STPG2: variants seen among roughly 807,000 people sequenced by gnomAD.
STPG2 encodes sperm-tail PG-rich repeat-containing protein 2.
In STPG2, 56 loss-of-function variants were observed where a neutral mutation model predicts 54.2. That is an observed-to-expected ratio of 1.03 (90% CI 0.83 to 1.29). STPG2 has a LOEUF of 1.29. Ranked by LOEUF, STPG2 falls within the 50% of genes most tolerant of loss-of-function variation. STPG2 has a pLI of 0.00. For missense variants in STPG2, 596 were observed against 544.9 expected, an observed-to-expected ratio of 1.09 and a Z score of -0.93; for synonymous variants, 200 against 181.8, an observed-to-expected ratio of 1.10 and a Z score of -0.81.
At chr4:97,717,461 T>C in intron 9 of STPG2, among the ~76,000 whole-genome samples, 1 of 152,200 alleles carries the variant, frequency 6.6e-6, no homozygotes, top group African/African-American at 2.4e-5. Flanking sequence ...TTAAAACATG[T>C]GTTCCTAGCA....
intron 8 of STPG2, among the ~76,000 whole-genome samples, chr4:97,913,250 A>C (rs1731749012): frequency 6.6e-6 from 1 of 152,180 alleles, no homozygotes; most frequent in Non-Finnish European, 1.5e-5. Flanking sequence ...TATTAACTTT[A>C]AGAACAAGCT....
At chr4:97,723,926 ATTACAAT>A (rs1256757769) in intron 9 of STPG2, among the ~76,000 whole-genome samples, 1 of 152,200 alleles carries the variant, frequency 6.6e-6, no homozygotes, top group Admixed American at 6.5e-5. Flanking sequence ...ACACGTGGTG[ATTACAAT>A]TTGAGATGAG....
At chr4:98,129,696 A>G (rs1739930227) in intron 2 of STPG2, among the ~76,000 whole-genome samples, 1 of 152,192 alleles carries the variant, frequency 6.6e-6, no homozygotes, top group Admixed American at 6.5e-5. Flanking sequence ...AATGTATCAA[A>G]TAAAAGTACT....
At chr4:97,875,426 G>GA (rs970065610) in intron 8 of STPG2, among the ~76,000 whole-genome samples, 6 of 138,870 alleles carry the variant, frequency 4.3e-5, no homozygotes, top group South Asian at 2.2e-4. Context: ...GACTCGTAAG[G>GA]AAAAAAAACA....
rs552685711 is a variant in STPG2 at position 98,105,844 on chromosome 4, C to T, written c.612+109G>A. Reference sequence around the variant, plus strand: ...TCCTTCTACAATATTCATTGAATGACGATTAGCTATCAGGCACATTAGATC... The same window carrying T: ...TCCTTCTACAATATTCATTGAATGATGATTAGCTATCAGGCACATTAGATC... On this transcript the variant is annotated intron_variant, in intron 5 of 10. Coordinates refer to ENST00000295268, the MANE Select transcript of STPG2 (RefSeq NM_174952.3). The T allele has an allele frequency of 2.3e-5, 21 of 914,216 alleles. No individual in the cohort carries two copies. The Admixed American group carries it at 2.8e-4, about 12-fold the overall frequency. The allele number at this position is 914,216 out of a possible 1,614,324, so 56.6% of individuals were successfully genotyped here.
At chr4:97,475,962 T>C (rs1253408589) in intron 4 of STPG2, among the ~76,000 whole-genome samples, 2 of 152,282 alleles carry the variant, frequency 1.3e-5, no homozygotes, top group African/African-American at 4.8e-5. Context: ...AAAGTTAACT[T>C]GTTTATATGT....
At chr4:97,571,225 T>C (rs987903767) in intron 10 of STPG2, among the ~76,000 whole-genome samples, 3 of 152,124 alleles carry the variant, frequency 2.0e-5, no homozygotes, top group African/African-American at 7.2e-5. Flanking sequence ...ACTGTAAATA[T>C]GTGAAATTCA....
chr4:98,138,798 TC>T (rs1578189514), intron 1 of STPG2, among the ~76,000 whole-genome samples: 1 of 151,784 alleles, frequency 6.6e-6, no homozygotes, highest in South Asian at 2.1e-4. Context: ...AGCTAACCAC[TC>T]CCCCACCAAA....
At chr4:98,007,341 C>T (rs1025681757) in intron 5 of STPG2, among the ~76,000 whole-genome samples, 3 of 152,148 alleles carry the variant, frequency 2.0e-5, no homozygotes, top group Non-Finnish European at 4.4e-5. Flanking sequence ...AGAAAGCCAT[C>T]ACACTAAGTC....
chr4:97,928,253 G>C (rs75391588), intron 8 of STPG2, among the ~76,000 whole-genome samples: 3,603 of 152,248 alleles, frequency 0.024, 95 homozygotes, highest in African/African-American at 0.059. Context: ...TACGGTGAAA[G>C]TTAGCTTTAG....
intron 3 of STPG2, among the ~76,000 whole-genome samples, chr4:98,125,644 G>T (rs1356257207): frequency 6.6e-6 from 1 of 152,210 alleles, no homozygotes; most frequent in African/African-American, 2.4e-5. Context: ...CCAGACAGGA[G>T]GAACAAGATC....
At chr4:97,649,830 G>A (rs888774725) in intron 10 of STPG2, among the ~76,000 whole-genome samples, 2 of 152,000 alleles carry the variant, frequency 1.3e-5, no homozygotes, top group Non-Finnish European at 2.9e-5. Flanking sequence ...CAGGGGGGAC[G>A]GCATGGTTTC....
chr4:98,101,664 T>C (rs1480403187), intron 5 of STPG2, among the ~76,000 whole-genome samples: 1 of 152,022 alleles, frequency 6.6e-6, no homozygotes, highest in Non-Finnish European at 1.5e-5. Context: ...CTAAAAAAAA[T>C]TTTTACAGTT....
intron 9 of STPG2, among the ~76,000 whole-genome samples, chr4:97,813,225 A>G (rs574115902): frequency 7.0e-6 from 1 of 142,846 alleles, no homozygotes; most frequent in South Asian, 2.3e-4. Context: ...GTGCAGGGTC[A>G]AAGTAAAAAC....
intron 5 of STPG2, among the ~76,000 whole-genome samples, chr4:98,105,573 C>T (rs1010918063): frequency 7.2e-5 from 11 of 152,084 alleles, no homozygotes; most frequent in African/African-American, 2.7e-4. Flanking sequence ...CCTTAATTAA[C>T]AGGCTTGGAT....
chr4:97,456,956 C>T (rs1417251082), intron 4 of STPG2, among the ~76,000 whole-genome samples: 1 of 139,600 alleles, frequency 7.2e-6, no homozygotes, highest in Non-Finnish European at 1.5e-5. Flanking sequence ...TAGATAGATA[C>T]CTTGCCAAAG....
intron 8 of STPG2, among the ~76,000 whole-genome samples, chr4:97,864,888 T>C (rs933251658): frequency 2.0e-5 from 3 of 152,126 alleles, no homozygotes; most frequent in Non-Finnish European, 4.4e-5. Flanking sequence ...TGGCTAGCCA[T>C]ATGTAGAAAG....
intron 8 of STPG2, among the ~76,000 whole-genome samples, chr4:97,867,287 T>C (rs1235757766): frequency 6.6e-6 from 1 of 151,994 alleles, no homozygotes; most frequent in African/African-American, 2.4e-5. Flanking sequence ...TCTAGATGTG[T>C]ATTTTTTACT....
chr4:98,113,871 A>T (rs1182664315), intron 3 of STPG2, among the ~76,000 whole-genome samples: 1 of 152,070 alleles, frequency 6.6e-6, no homozygotes, highest in Admixed American at 6.6e-5. Flanking sequence ...AAAGGAAATA[A>T]GGGAGTCAGA....
Sources: gnomAD v4.1 joint callset for allele counts (sites outside exome capture counted in the v4.1 genomes callset) on GRCh38, gnomAD v4.1.1 for gene constraint, MANE v1.5 for transcripts, NCBI Gene and HGNC (gene_info 2026-07-23, HGNC 2026-07-21) for gene names.